LTBP3: variants seen among roughly 807,000 people sequenced by gnomAD.
The protein encoded by LTBP3 is latent transforming growth factor beta binding protein 3.
Under a neutral mutation model 159.7 loss-of-function variants are expected in LTBP3, and 97 were observed. The observed-to-expected ratio is 0.61, with a 90% CI of 0.52 to 0.72. The LOEUF is 0.72. LTBP3 is among the 30% of genes least tolerant of loss of function. The pLI is 0.00. For synonymous variants in LTBP3, 824 were observed against 777.1 expected (o/e 1.06, Z -1.00); for missense variants, 1,584 against 1,864.3 (o/e 0.85, Z 2.77).
Position 65,554,173 on chromosome 11 carries a change from G to T in LTBP3, c.539C>A (p.Ala180Asp), listed in dbSNP as rs758522160. Residue 180 changes from alanine to aspartate, a missense_variant, in exon 2 of 28, where the codon GCC (alanine) becomes GAC (aspartate). Coordinates refer to ENST00000301873, the MANE Select transcript of LTBP3 (RefSeq NM_001130144.3). This position sits in a 1 kb window ranked among gnomAD's most constrained non-coding sequence, Gnocchi z 5.3. Reference sequence around the variant, plus strand: ...GACGGCGTAGATGGCGTGCTTGCTGGCCACAGAGTCGCCCTCCGGAGCCAG... The same window carrying T: ...GACGGCGTAGATGGCGTGCTTGCTGTCCACAGAGTCGCCCTCCGGAGCCAG... ...PPLAPEGDSV[A>D]SKHAIYAVQV... The T allele has an allele frequency of 6.2e-7, 1 of 1,611,880 alleles. No homozygotes were observed. The highest frequency in any genetic ancestry group is 1.1e-5 in the South Asian group (1 of 91,078).
intron 16 of LTBP3, 33 bp from the exon 17 acceptor site, chr11:65,543,582 C>T (rs181047269): frequency 1.2e-6 from 2 of 1,613,830 alleles, no homozygotes; most frequent in East Asian, 2.2e-5. Context: ...GAGGACCAGG[C>T]TGGGTGGTCT....
rs761473722 is a variant in LTBP3, at chr11:65,546,539, G to A, written c.2256C>T (p.Ser752=). The A allele has an allele frequency of 5.0e-6, 8 of 1,602,026 alleles. No individual in the cohort carries two copies. The highest frequency in any genetic ancestry group is 5.9e-6 in the Non-Finnish European group (7 of 1,179,406). The change falls in exon 16 of 28, where the codon AGC becomes AGT. Residue 752 remains serine (S), a synonymous_variant. Coordinates refer to ENST00000301873, the MANE Select transcript of LTBP3 (RefSeq NM_001130144.3). This position sits in a 1 kb window ranked among gnomAD's most constrained non-coding sequence, Gnocchi z 4.0. Reference sequence around the variant, plus strand: ...TCTCGCACCAGCCAGGCGAGCAGGGGCTGCCCTCGGCGCACTCGTTCACGT... The same window carrying A: ...TCTCGCACCAGCCAGGCGAGCAGGGACTGCCCTCGGCGCACTCGTTCACGT... The part of the protein sequence containing the change: ...CRDVNECAEG[S]PCSPGWCENL...
At position 65,546,651 on chromosome 11, in the gene LTBP3, C is replaced by T; in HGVS notation, c.2231-87G>A. ...GGGGGTGTGGGTCTCTTCCCTGGAACGCGGGGTTGAGAGGGCAGCCTCTAC... is the reference window on the plus strand; with the variant it reads ...GGGGGTGTGGGTCTCTTCCCTGGAATGCGGGGTTGAGAGGGCAGCCTCTAC... On this transcript the variant is annotated intron_variant, in intron 15 of 27. Coordinates refer to ENST00000301873, the MANE Select transcript of LTBP3 (RefSeq NM_001130144.3). This position sits in a 1 kb window ranked among gnomAD's most constrained non-coding sequence, Gnocchi z 4.0. 6.3e-7 allele frequency: 1 copy of T among 1,580,980 alleles called. No individual in the cohort carries two copies. Among genetic ancestry groups the T allele is most frequent in the Non-Finnish European group, 8.5e-7 (1 of 1,171,154 alleles).
At chr11:65,551,857 G>A in intron 8 of LTBP3, 115 bp downstream of exon 8, 1 of 1,264,224 alleles carries the variant, frequency 7.9e-7, no homozygotes, top group Non-Finnish European at 1.1e-6. Flanking sequence ...CAGTGGATGG[G>A]TCAGGGATAA....
chr11:65,542,801 TAGTA>T (rs917930027), intron 18 of LTBP3: 2 of 402,198 alleles, frequency 5.0e-6, no homozygotes, highest in Non-Finnish European at 9.6e-6. Context: ...GCCTGGCACA[TAGTA>T]AGCACCACGA....
At chr11:65,542,924 G>A (rs1359908981) in intron 18 of LTBP3, 181 bp downstream of exon 18, 4 of 840,966 alleles carry the variant, frequency 4.8e-6, no homozygotes, top group East Asian at 5.3e-5. Flanking sequence ...AAGGATGGAT[G>A]GATAGAAGGA....
intron 26 of LTBP3, 26 bp from the exon 27 acceptor site, chr11:65,539,485 T>C: frequency 6.3e-7 from 1 of 1,586,550 alleles, no homozygotes; most frequent in Middle Eastern, 1.7e-4. Flanking sequence ...CAATATGGAC[T>C]TCAACACTGA....
At position 65,543,428 on chromosome 11, in the gene LTBP3, C is replaced by T. The variant is rs1465792342; in HGVS notation, c.2475G>A (p.Glu825=). 1.2e-6 allele frequency: 2 copies of T among 1,614,076 alleles called. No individual in the cohort carries two copies. The highest frequency in any genetic ancestry group is 3.3e-5 in the Admixed American group (2 of 60,018). ...CACCCCAGCTCTAAGATCCCTCACC[C>T]TCGCAGTGGCTCCGGTCCCTGGACA... The part of the protein sequence containing the change: ...YHLSRDRSHC[E]DIDECDFPAA... Residue 825 remains glutamate, a splice_region_variant and synonymous_variant, in exon 17 of 28, where the codon GAG becomes GAA. Transcript: ENST00000301873.
intron 17 of LTBP3, 54 bp downstream of exon 17, chr11:65,543,373 G>A (rs1856237566): frequency 6.2e-7 from 1 of 1,612,564 alleles, no homozygotes; most frequent in Non-Finnish European, 8.5e-7. Flanking sequence ...CTGGGGGGTG[G>A]GGGTCCTGGG....
Position 65,558,262 on chromosome 11 carries a change from G to C in LTBP3, c.-303C>G. 1.0e-6 allele frequency: 1 copy of C among 1,004,012 alleles called. No homozygotes were observed. Among genetic ancestry groups the C allele is most frequent in the Non-Finnish European group, 1.2e-6 (1 of 830,638 alleles). 62.2% of individuals were successfully genotyped at this position (1,004,012 alleles called of 1,614,324 possible). A position where few individuals can be genotyped will look rare whatever the true frequency, so the allele number is the denominator to read the frequency against. Reference sequence around the variant, plus strand: ...GAGAGGAGGAGCGAGGGAGAGGAAGGCCGGGCGGCCGGCCCGCTCCGCGCC... The same window carrying C: ...GAGAGGAGGAGCGAGGGAGAGGAAGCCCGGGCGGCCGGCCCGCTCCGCGCC... On this transcript the variant is annotated 5_prime_UTR_variant, in exon 1 of 28. Coordinates refer to ENST00000301873, the MANE Select transcript of LTBP3 (RefSeq NM_001130144.3).
rs911333789 is a variant in LTBP3 at position 65,539,995 on chromosome 11, G to A, written c.3385+18C>T. Reference sequence around the variant, plus strand: ...GGACAGGGCCCCGGGATCGGCCAAGGCCAACCCTCGCCCTCACCGGCCGGG... The same window carrying A: ...GGACAGGGCCCCGGGATCGGCCAAGACCAACCCTCGCCCTCACCGGCCGGG... On this transcript the variant is annotated intron_variant, in intron 24 of 27. Transcript: ENST00000301873. 5 of 1,480,256 alleles carry A rather than the reference G, an allele frequency of 3.4e-6. No individual in the cohort carries two copies. Among genetic ancestry groups the A allele is most frequent in the African/African-American group, 1.4e-5 (1 of 69,514 alleles). The allele number at this position is 1,480,256 out of a possible 1,614,324, so 91.7% of individuals were successfully genotyped here.
At position 65,552,000 on chromosome 11, in the gene LTBP3, T is replaced by G. The variant is rs1418464744; in HGVS notation, c.1503A>C (p.Pro501=). The part of the protein sequence containing the change: ...QQLPESPSQA[P]PPEDTEEERG... ...TCTCTTCCTCTGTGTCCTCAGGTGG[T>G]GGAGCCTGGCTAGGGCTCTCCGGAA... is the stretch of plus-strand genomic sequence containing the variant. Residue 501 remains proline (P), a synonymous_variant, in exon 8 of 28, where the codon CCA becomes CCC. Transcript: ENST00000301873. 6.2e-7 allele frequency: 1 copy of G among 1,613,888 alleles called. No individual in the cohort carries two copies. Among genetic ancestry groups the G allele is most frequent in the Non-Finnish European group, 8.5e-7 (1 of 1,179,988 alleles).
chr11:65,546,802 A>T lies in LTBP3; in HGVS notation c.2226T>A (p.Cys742Ter). ...GGCTCCGGGCCCCGCCCTCACCGCG[A>T]CAGGCCCCGCCCCCCTGGCTGCGGT... The part of the protein sequence containing the change: ...PGYRSQGGGA[C>*]RDVNECAEGS... Residue 742 changes from cysteine (C) to a stop codon, truncating the protein, a stop_gained, in exon 15 of 28, where the codon TGT becomes TGA. Coordinates refer to ENST00000301873, the MANE Select transcript of LTBP3 (RefSeq NM_001130144.3). LOFTEE classifies it high-confidence loss of function. This position sits in a 1 kb window ranked among gnomAD's most constrained non-coding sequence, Gnocchi z 4.0. The T allele has an allele frequency of 6.3e-7, 1 of 1,593,818 alleles. No homozygotes were observed. Among genetic ancestry groups the T allele is most frequent in the Non-Finnish European group, 8.5e-7 (1 of 1,174,168 alleles).
rs780591439 is a variant in LTBP3, at chr11:65,546,551, G to A, written c.2244C>T (p.Cys748=). The change falls in exon 16 of 28, where the codon TGC becomes TGT. Residue 748 remains cysteine, a synonymous_variant. Coordinates refer to ENST00000301873, the MANE Select transcript of LTBP3 (RefSeq NM_001130144.3). This position sits in a 1 kb window ranked among gnomAD's most constrained non-coding sequence, Gnocchi z 4.0. ...GGGACRDVNE[C]AEGSPCSPGW... ...CAGGCGAGCAGGGGCTGCCCTCGGC[G>A]CACTCGTTCACGTCTGCGGCGGAAA... 3 of 1,602,276 alleles carry A rather than the reference G, an allele frequency of 1.9e-6. No individual in the cohort carries two copies. Among genetic ancestry groups the A allele is most frequent in the Admixed American group, 1.7e-5 (1 of 59,964 alleles).
In LTBP3 at chr11:65,538,593, C is replaced by A; in HGVS notation, c.*487G>T. The A allele has an allele frequency of 6.2e-7, 1 of 1,601,074 alleles. No individual in the cohort carries two copies. Among genetic ancestry groups the A allele is most frequent in the Non-Finnish European group, 8.5e-7 (1 of 1,174,142 alleles). Reference sequence around the variant, plus strand: ...CCGTGGCGGTGGCCCTTCCCGGCTGCGGAGAGCCCGCCCCACAGATGTATT... The same window carrying A: ...CCGTGGCGGTGGCCCTTCCCGGCTGAGGAGAGCCCGCCCCACAGATGTATT... On this transcript the variant is annotated 3_prime_UTR_variant, in exon 28 of 28. Coordinates refer to ENST00000301873, the MANE Select transcript of LTBP3 (RefSeq NM_001130144.3).
At chr11:65,542,931 A>T (rs200835681) in intron 18 of LTBP3, 174 bp downstream of exon 18, 6 of 817,574 alleles carry the variant, frequency 7.3e-6, no homozygotes, top group Non-Finnish European at 1.2e-5. Context: ...GATGGATAGA[A>T]GGATGGATGG....
At position 65,558,353 on chromosome 11, in the gene LTBP3, G is replaced by A. The variant is rs946976264; in HGVS notation, c.-394C>T. ...AGGGAGCGCGCGGGGAGGGCTCAGG[G>A]AGAAGTGAGCAGTTGTTTTCCCTGG... On this transcript the variant is annotated 5_prime_UTR_variant, in exon 1 of 28. Transcript: ENST00000301873. 1.2e-5 allele frequency: 3 copies of A among 257,472 alleles called. No individual in the cohort carries two copies. Among genetic ancestry groups the A allele is most frequent in the Non-Finnish European group, 2.0e-5 (3 of 149,256 alleles). 15.9% of individuals were successfully genotyped at this position (257,472 alleles called of 1,614,324 possible).
rs1856644303 is a variant in LTBP3, at chr11:65,552,402, G to T, written c.1191C>A (p.Asp397Glu). 6.2e-7 allele frequency: 1 copy of T among 1,613,062 alleles called. No homozygotes were observed. Among genetic ancestry groups the T allele is most frequent in the Non-Finnish European group, 8.5e-7 (1 of 1,179,970 alleles). Residue 397 changes from aspartate (D) to glutamate (E), a missense_variant, in exon 7 of 28, where the codon GAC becomes GAA. This residue lies in a region of LTBP3 where 156 missense variants were observed against 259.7 expected (regional missense o/e 0.60). Transcript: ENST00000301873. This position sits in a 1 kb window ranked among gnomAD's most constrained non-coding sequence, Gnocchi z 6.0. ...LGPSRTQCIA[D>E]KPEEKSLCFR... Reference sequence around the variant, plus strand: ...AACACAGGCTCTTCTCCTCCGGTTTGTCTGCTGCAGGGGCCAGTGGGGGGC... The same window carrying T: ...AACACAGGCTCTTCTCCTCCGGTTTTTCTGCTGCAGGGGCCAGTGGGGGGC...
chr11:65,546,414 G>T lies in LTBP3; in HGVS notation c.2353+28C>A, dbSNP rs766152035. 7 of 1,521,840 alleles carry T rather than the reference G, an allele frequency of 4.6e-6. 1 individual carries two copies. In the South Asian group the frequency reaches 7.4e-5, roughly 16 times the overall value. The allele number at this position is 1,521,840 out of a possible 1,614,324, so 94.3% of individuals were successfully genotyped here. On this transcript the variant is annotated intron_variant, in intron 16 of 27. Transcript: ENST00000301873. This position sits in a 1 kb window ranked among gnomAD's most constrained non-coding sequence, Gnocchi z 4.0. ...GCTTCAGCGCGTAGGGGGCGGCGGA[G>T]GCCCGGGGCGGGGGTGCTGGCGCTC...
Sources: gnomAD v4.1 joint callset for allele counts on GRCh38, gnomAD v4.1.1 for gene constraint, gnomAD v4.1.1 regional missense constraint, Gnocchi (gnomAD v3.1) non-coding constraint, MANE v1.5 for transcripts, NCBI Gene and HGNC (gene_info 2026-07-23, HGNC 2026-07-21) for gene names.